DMRTC1: variants seen among roughly 807,000 people sequenced by gnomAD.
DMRTC1 encodes doublesex- and mab-3-related transcription factor C1.
For missense variants in DMRTC1, 9 were observed against 34.6 expected (o/e 0.26, Z 1.86); for synonymous variants, 7 against 14.1 (o/e 0.50, Z 1.13).
chrX:72,913,086 A>T (rs2147892716), intron 1 of DMRTC1: 1 of 479,232 alleles, frequency 2.1e-6, no homozygotes, highest in Admixed American at 3.3e-5. Flanking sequence ...TGTTTCATCA[A>T]GTGCTTCAGG....
chrX:72,916,219 G>A (rs2054987474), intron 1 of DMRTC1, among the ~76,000 whole-genome samples: 1 of 107,099 alleles, frequency 9.3e-6, no homozygotes, highest in South Asian at 3.9e-4. Context: ...CCACCATCCG[G>A]ATCAAGGTGA....
In DMRTC1 at chrX:72,913,310, G is replaced by A. The variant is rs1261101498; in HGVS notation, c.-95+30265C>T. 54 of 700,197 alleles carry A rather than the reference G, an allele frequency of 7.7e-5. 1 individual carries two copies. Among genetic ancestry groups the A allele is most frequent in the Non-Finnish European group, 1.1e-4 (51 of 454,890 alleles). 57.7% of individuals were successfully genotyped at this position (700,197 alleles called of 1,213,427 possible). A position where few individuals can be genotyped will look rare whatever the true frequency, so the allele number is the denominator to read the frequency against. ...CGGAGCCACAGACACAGGCGTGAACGGTGACCGAGCCCCCTCTGATGCTCC... is the reference window on the plus strand; with the variant it reads ...CGGAGCCACAGACACAGGCGTGAACAGTGACCGAGCCCCCTCTGATGCTCC... On this transcript the variant is annotated intron_variant, in intron 1 of 6. Transcript: ENST00000615063.
At chrX:72,905,659 G>A (rs2054924974) in intron 1 of DMRTC1, among the ~76,000 whole-genome samples, 2 of 58,842 alleles carry the variant, frequency 3.4e-5, no homozygotes, top group Non-Finnish European at 6.0e-5. Flanking sequence ...AGGCGCCCAC[G>A]CCCGGCTAAT....
In DMRTC1 at chrX:72,872,468, A is replaced by AT. The variant is rs2054773293; in HGVS notation, c.562dup (p.Ile188AsnfsTer15). 1 of 1,113,920 alleles carries AT rather than the reference A, an allele frequency of 9.0e-7. No homozygotes were observed. Among genetic ancestry groups the AT allele is most frequent in the Non-Finnish European group, 1.2e-6 (1 of 848,917 alleles). The allele number at this position is 1,113,920 out of a possible 1,213,427, so 91.8% of individuals were successfully genotyped here. On this transcript the variant is annotated frameshift_variant, in exon 7 of 7. Coordinates refer to ENST00000615063, the MANE Select transcript of DMRTC1 (RefSeq NM_033053.3). LOFTEE classifies it high-confidence loss of function. Reference sequence around the variant, plus strand: ...TCTGGGTTCCTAGCTCAAGAGGGAGATGCATCCCAGATGTCCAATAGGCAG... The same window carrying AT: ...TCTGGGTTCCTAGCTCAAGAGGGAGATTGCATCCCAGATGTCCAATAGGCAG...
intron 6 of DMRTC1, among the ~76,000 whole-genome samples, chrX:72,872,898 C>T (rs2054779384): frequency 1.5e-5 from 1 of 65,091 alleles, no homozygotes; most frequent in Non-Finnish European, 2.6e-5. Context: ...TCATCCCTTT[C>T]TGTTCCAGCA....
chrX:72,905,618 C>T (rs1556354602), intron 1 of DMRTC1, among the ~76,000 whole-genome samples: 1 of 53,556 alleles, frequency 1.9e-5, no homozygotes, highest in Admixed American at 2.3e-4. Flanking sequence ...AGCCATTCTC[C>T]TGCCTCAGCC....
rs1454545145 is a variant in DMRTC1 at position 72,872,723 on chromosome X, A to G, written c.467-159T>C. On this transcript the variant is annotated intron_variant, in intron 6 of 6. Coordinates refer to ENST00000615063, the MANE Select transcript of DMRTC1 (RefSeq NM_033053.3). The stretch of plus-strand genomic sequence containing the variant: ...CCCATCTCCCATCTTGCCTCCCCCA[A>G]TCCTTCCATCAAAGCCACCACAACT... Among the ~76,000 whole-genome samples, 43 of 107,039 alleles carry G rather than the reference A, an allele frequency of 4.0e-4. 2 individuals are homozygous for G. Among genetic ancestry groups the G allele is most frequent in the African/African-American group, 1.4e-3 (40 of 27,777 alleles). The allele number at this position is 107,039 out of a possible 115,157, so 93.0% of individuals were successfully genotyped here.
At chrX:72,872,636 G>A (rs1341945592) in intron 6 of DMRTC1, 72 bp from the exon 7 acceptor site, 56 of 1,185,967 alleles carry the variant, frequency 4.7e-5, no homozygotes, top group South Asian at 1.5e-4. Context: ...CTTTTTATGC[G>A]TCCCGCCCAA....
In DMRTC1 at chrX:72,882,262, G is replaced by C. The variant is rs782533390; in HGVS notation, c.-94-6474C>G. On this transcript the variant is annotated intron_variant, in intron 1 of 6. Coordinates refer to ENST00000615063, the MANE Select transcript of DMRTC1 (RefSeq NM_033053.3). The stretch of plus-strand genomic sequence containing the variant: ...TCGATGTTGCATTTGCTGTGGCAGA[G>C]ACAGAGCACAAGCTGTTTATTCGTT... 5.1e-3 allele frequency among the ~76,000 whole-genome samples: 269 copies of C among 53,014 alleles called. 3 individuals carry two copies. Among genetic ancestry groups the C allele is most frequent in the African/African-American group, 0.019 (254 of 13,310 alleles). The allele number at this position is 53,014 out of a possible 115,157, so 46.0% of individuals were successfully genotyped here.
intron 4 of DMRTC1, among the ~76,000 whole-genome samples, chrX:72,874,311 G>A (rs1434153826): frequency 1.6e-4 from 1 of 6,340 alleles, no homozygotes; most frequent in Non-Finnish European, 2.6e-4. Context: ...GGTCTTGAAG[G>A]GTCTCCAGGA....
intron 1 of DMRTC1, among the ~76,000 whole-genome samples, chrX:72,916,280 A>T (rs146739822): frequency 2.3e-4 from 25 of 109,455 alleles, no homozygotes; most frequent in East Asian, 2.0e-3. Context: ...GAGGGAGCCA[A>T]GATACAGTCC....
At chrX:72,880,661 TTTGCTTTGCTTTGCTTTTTCTCTTTTC>T (rs2147887226) in intron 1 of DMRTC1, among the ~76,000 whole-genome samples, 234 of 16,139 alleles carry the variant, frequency 0.014, no homozygotes, top group Non-Finnish European at 0.029. Flanking sequence ...GCTTTTTCTC[TTTGCTTTGCTTTGCTTTTTCTCTTTTC>T]TTTCTTTCTT....
intron 1 of DMRTC1, among the ~76,000 whole-genome samples, chrX:72,922,757 AAAAC>A (rs2055008812): frequency 4.1e-5 from 1 of 24,567 alleles, no homozygotes; most frequent in African/African-American, 8.5e-5. Context: ...TAAAAATCAA[AAAAC>A]AAAGAGTTAG....
chrX:72,881,701 C>G lies in DMRTC1; in HGVS notation c.-94-5913G>C, dbSNP rs868968602. Among the ~76,000 whole-genome samples the G allele has an allele frequency of 5.3e-5, 3 of 56,550 alleles. No individual in the cohort carries two copies. In the South Asian group the frequency reaches 3.4e-3, roughly 64 times the overall value. The allele number at this position is 56,550 out of a possible 115,157, so 49.1% of individuals were successfully genotyped here. ...AGTGTCCTCTAATTGCAAACAGTACCCCCAAACAATTTTTTAAACCTTCCA... is the reference window on the plus strand; with the variant it reads ...AGTGTCCTCTAATTGCAAACAGTACGCCCAAACAATTTTTTAAACCTTCCA... On this transcript the variant is annotated intron_variant, in intron 1 of 6. Transcript: ENST00000615063.
chrX:72,902,909 GACACACACACACACACACAC>G (rs377421921), intron 1 of DMRTC1, among the ~76,000 whole-genome samples: 2 of 59,111 alleles, frequency 3.4e-5, no homozygotes, highest in East Asian at 1.9e-3. Context: ...ACCAGACAAA[GACACACACACACACACACAC>G]ACACACACAC....
At chrX:72,905,723 A>G (rs1288242849) in intron 1 of DMRTC1, among the ~76,000 whole-genome samples, 2 of 63,328 alleles carry the variant, frequency 3.2e-5, no homozygotes, top group African/African-American at 1.4e-4. Context: ...GATGGTCTCA[A>G]TCTCCTCACC....
At chrX:72,905,915 A>G (rs1466420596) in intron 1 of DMRTC1, among the ~76,000 whole-genome samples, 4 of 114,109 alleles carry the variant, frequency 3.5e-5, no homozygotes, top group East Asian at 2.7e-4. Context: ...AATAGGGAAT[A>G]GAAGACCACA....
chrX:72,872,703 C>G (rs1411821086), intron 6 of DMRTC1, 139 bp from the exon 7 acceptor site: 11 of 442,487 alleles, frequency 2.5e-5, no homozygotes, highest in Non-Finnish European at 4.4e-5. Context: ...ATTTCCCCAT[C>G]TCCCATCTTG....
chrX:72,879,728 T>TTC (rs1228208338), intron 1 of DMRTC1, among the ~76,000 whole-genome samples: 28 of 61,923 alleles, frequency 4.5e-4, no homozygotes, highest in African/African-American at 1.1e-3. Context: ...TCTCTTTCTT[T>TTC]CTTTTCCTTT....
Sources: gnomAD v4.1 joint callset for allele counts (sites outside exome capture counted in the v4.1 genomes callset) on GRCh38, gnomAD v4.1.1 for gene constraint, MANE v1.5 for transcripts, NCBI Gene and HGNC (gene_info 2026-07-23, HGNC 2026-07-21) for gene names.